CEP128: variants seen among roughly 807,000 people sequenced by gnomAD.
CEP128 encodes the protein centrosomal protein 128kDa.
A neutral mutation model predicts 156.7 loss-of-function variants in CEP128; 132 were observed. The ratio of observed to expected loss-of-function variants is 0.84; its 90% CI spans 0.73 to 0.97. The LOEUF is 0.97. Ranked by LOEUF, CEP128 falls within the 50% of genes least tolerant of loss-of-function variation. CEP128 has a pLI of 0.00. For missense variants in CEP128, 1,252 were observed against 1,281.9 expected (o/e 0.98, Z 0.36); for synonymous variants, 469 against 448.9 (o/e 1.04, Z -0.57).
At chr14:80,890,672 T>G (rs1247055863) in intron 8 of CEP128, among the ~76,000 whole-genome samples, 1 of 151,970 alleles carries the variant, frequency 6.6e-6, no homozygotes, top group Non-Finnish European at 1.5e-5. Context: ...AAATACCTAA[T>G]GCATGCGGGG....
At chr14:80,805,037 C>A (rs140446627) in intron 13 of CEP128, among the ~76,000 whole-genome samples, 1 of 151,880 alleles carries the variant, frequency 6.6e-6, no homozygotes. Context: ...TAGCAATCAG[C>A]CCCCATTGCC....
chr14:80,578,014 C>G (rs549903675), intron 20 of CEP128, among the ~76,000 whole-genome samples: 1 of 152,302 alleles, frequency 6.6e-6, no homozygotes, highest in East Asian at 1.9e-4. Context: ...TCCAGTTTAA[C>G]CTACCTCAAT....
downstream of CEP128, among the ~76,000 whole-genome samples, chr14:80,487,815 T>G (rs1887202432): frequency 6.6e-6 from 1 of 152,074 alleles, no homozygotes; most frequent in African/African-American, 2.4e-5. Context: ...ATAAAGATGT[T>G]TTTTGAAACC....
At chr14:80,637,207 T>C (rs1894222224) in intron 19 of CEP128, among the ~76,000 whole-genome samples, 1 of 152,086 alleles carries the variant, frequency 6.6e-6, no homozygotes, top group African/African-American at 2.4e-5. Context: ...ATTCTACCCA[T>C]GGTAAGCAGA....
chr14:80,578,158 G>T (rs1283569064), intron 20 of CEP128, among the ~76,000 whole-genome samples: 1 of 152,086 alleles, frequency 6.6e-6, no homozygotes, highest in Non-Finnish European at 1.5e-5. Context: ...TATAAACACT[G>T]ATTTTTATAG....
intron 19 of CEP128, among the ~76,000 whole-genome samples, chr14:80,632,058 G>A (rs1893983401): frequency 1.3e-5 from 2 of 152,064 alleles, no homozygotes; most frequent in Admixed American, 6.5e-5. Context: ...CCAGTCACCT[G>A]ATTAAAAAGG....
chr14:80,931,430 T>C (rs1301634035), intron 2 of CEP128, among the ~76,000 whole-genome samples: 1 of 152,222 alleles, frequency 6.6e-6, no homozygotes, highest in South Asian at 2.1e-4. Flanking sequence ...TTAAAGTACA[T>C]GCCCTTAACT....
chr14:80,478,448 T>C (rs1886988104), intron 14 of CEP128: 1 of 152,224 alleles, frequency 6.6e-6, no homozygotes, highest in Non-Finnish European at 1.5e-5. Context: ...TCATTGATTC[T>C]TTAAAATAAT....
intron 20 of CEP128, among the ~76,000 whole-genome samples, chr14:80,566,944 C>T (rs1361557883): frequency 6.6e-6 from 1 of 151,302 alleles, no homozygotes; most frequent in Non-Finnish European, 1.5e-5. Flanking sequence ...GAAGAAAAGC[C>T]AATTTAAAGT....
intron 16 of CEP128, among the ~76,000 whole-genome samples, chr14:80,770,937 A>C (rs1210652200): frequency 2.6e-5 from 4 of 152,196 alleles, no homozygotes; most frequent in African/African-American, 9.6e-5. Flanking sequence ...AATACCTCTT[A>C]GTCAAAAATG....
chr14:80,862,635 A>C (rs1887567644), intron 9 of CEP128, 122 bp downstream of exon 9: 1 of 698,802 alleles, frequency 1.4e-6, no homozygotes, highest in South Asian at 1.8e-5. Context: ...TATAACCAAT[A>C]TGTGATATTA....
At chr14:80,856,129 T>C (rs573077520) in intron 9 of CEP128, among the ~76,000 whole-genome samples, 1 of 152,344 alleles carries the variant, frequency 6.6e-6, no homozygotes, top group East Asian at 1.9e-4. Context: ...ATAACCTGGT[T>C]GTCCCTCAGA....
Position 80,955,583 on chromosome 14 carries a change from C to G in CEP128, c.-172+2595G>C, listed in dbSNP as rs952620744. ...GAGCCCTCCCTCTTCCCACCCCTCC[C>G]GCTCCCGGGTCTCCTTTGGCCTGGG... On this transcript the variant is annotated intron_variant, in intron 2 of 7. Transcript: ENST00000555529. The G allele has an allele frequency of 3.4e-6, 5 of 1,471,546 alleles. No individual in the cohort carries two copies. The African/African-American group carries it at 4.2e-5, about 12-fold the overall frequency. 91.2% of individuals were successfully genotyped at this position (1,471,546 alleles called of 1,614,324 possible).
intron 9 of CEP128, among the ~76,000 whole-genome samples, chr14:80,851,947 G>A (rs1886912230): frequency 6.6e-6 from 1 of 151,842 alleles, no homozygotes; most frequent in Admixed American, 6.6e-5. Flanking sequence ...GCACAAAACA[G>A]ATAAAAGAAA....
At chr14:80,675,410 T>C (rs1896019739) in intron 19 of CEP128, among the ~76,000 whole-genome samples, 1 of 152,070 alleles carries the variant, frequency 6.6e-6, no homozygotes, top group South Asian at 2.1e-4. Flanking sequence ...GCTACGCCAA[T>C]TCATGAAACC....
At chr14:80,596,053 GAAAAAAA>G (rs55831009) in intron 19 of CEP128, among the ~76,000 whole-genome samples, 138 of 109,122 alleles carry the variant, frequency 1.3e-3, no homozygotes, top group African/African-American at 4.4e-3. Context: ...TATCAGCAGG[GAAAAAAA>G]AAAAAAAAAA....
intron 9 of CEP128, among the ~76,000 whole-genome samples, chr14:80,854,225 A>G (rs1351053996): frequency 6.6e-6 from 1 of 152,120 alleles, no homozygotes; most frequent in Admixed American, 6.6e-5. Context: ...GGAAAGAGCT[A>G]CACTCAACCA....
intron 1 of CEP128, among the ~76,000 whole-genome samples, chr14:80,958,489 T>C (rs1437458767): frequency 6.6e-6 from 1 of 152,064 alleles, no homozygotes; most frequent in African/African-American, 2.4e-5. Context: ...ACAAGTCACA[T>C]TCAGTAAACC....
At chr14:80,612,440 T>C (rs565518270) in intron 19 of CEP128, among the ~76,000 whole-genome samples, 1 of 152,350 alleles carries the variant, frequency 6.6e-6, no homozygotes, top group South Asian at 2.1e-4. Flanking sequence ...ATAGAGTCCT[T>C]GTTTATTCCA....
Sources: allele counts gnomAD v4.1 joint callset (sites outside exome capture counted in the v4.1 genomes callset), GRCh38; gene constraint gnomAD v4.1.1; transcripts MANE v1.5; gene names NCBI Gene and HGNC (gene_info 2026-07-23, HGNC 2026-07-21).